The following NTRK2 variants were observed in gnomAD, a reference collection of about 807,000 sequenced individuals.
NTRK2 encodes neurotrophic receptor tyrosine kinase 2.
In NTRK2, 13 loss-of-function variants were observed where a neutral mutation model predicts 94.5. The observed-to-expected ratio is 0.14, with a 90% confidence interval of 0.09 to 0.22. NTRK2 has a LOEUF of 0.22. NTRK2 is among the 10% of genes least tolerant of loss of function. The pLI, the probability that NTRK2 is intolerant of heterozygous loss-of-function variation, is 1.00. For synonymous variants in NTRK2, 372 were observed against 407.4 expected, an observed-to-expected ratio of 0.91 and a Z score of 1.05; for missense variants, 639 against 1,071.2, an observed-to-expected ratio of 0.60 and a Z score of 5.63.
Position 84,887,826 on chromosome 9 carries a change from C to T in NTRK2, c.1633+20395C>T, listed in dbSNP as rs2076464393. Among the ~76,000 whole-genome samples, 3 of 152,164 alleles carry T rather than the reference C, an allele frequency of 2.0e-5. No individual in the cohort carries two copies. In the South Asian group the frequency reaches 6.2e-4, roughly 31 times the overall value. On this transcript the variant is annotated intron_variant, in intron 14 of 18. Transcript: ENST00000277120. ...AAAAATCTCTTAAACTGGGAAACTA[C>T]AAAAGGGCTGGATCCACATTTTTTT...
chr9:84,967,575 GC>G (rs1825701052), intron 17 of NTRK2, among the ~76,000 whole-genome samples: 1 of 152,266 alleles, frequency 6.6e-6, no homozygotes, highest in Admixed American at 6.5e-5. Flanking sequence ...CTCCCTCACA[GC>G]CTTACGACAG....
intron 14 of NTRK2, among the ~76,000 whole-genome samples, chr9:84,870,239 TAA>T (rs1332033520): frequency 1.4e-5 from 2 of 139,436 alleles, no homozygotes; most frequent in African/African-American, 5.3e-5. Flanking sequence ...TGTACATATA[TAA>T]GTATATGTAC....
intron 17 of NTRK2, among the ~76,000 whole-genome samples, chr9:85,011,844 C>T (rs969387796): frequency 1.3e-5 from 2 of 152,078 alleles, no homozygotes; most frequent in African/African-American, 2.4e-5. Context: ...CTCTCTACCT[C>T]CTAGCTGTGT....
At chr9:84,956,719 T>C (rs538033899) in intron 17 of NTRK2, among the ~76,000 whole-genome samples, 60 of 152,352 alleles carry the variant, frequency 3.9e-4, no homozygotes, top group African/African-American at 1.4e-3. Flanking sequence ...GTTTATTTCC[T>C]GTTCCCCTTC....
intron 17 of NTRK2, among the ~76,000 whole-genome samples, chr9:85,004,047 G>GAAAGAAA (rs1564542231): frequency 2.5e-5 from 1 of 39,784 alleles, no homozygotes; most frequent in African/African-American, 1.2e-4. Context: ...GAAAGAAAGG[G>GAAAGAAA]AGAAAGAGAA....
In NTRK2 at chr9:84,959,798, T is replaced by G. The variant is rs116565173; in HGVS notation, c.2172+4281T>G. ...CATCTGAACCAGATTTCAGTCACATTCTGCCTGTTGGAGACCTAGGGTCTC... is the reference window on the plus strand; with the variant it reads ...CATCTGAACCAGATTTCAGTCACATGCTGCCTGTTGGAGACCTAGGGTCTC... On this transcript the variant is annotated intron_variant, in intron 17 of 18. Transcript: ENST00000277120. Among the ~76,000 whole-genome samples, 1,488 of 152,342 alleles carry G rather than the reference T, an allele frequency of 9.8e-3. 13 individuals are homozygous for G. Among genetic ancestry groups the G allele is most frequent in the South Asian group, 0.028 (136 of 4,828 alleles).
chr9:84,878,935 T>G (rs1468310258), intron 14 of NTRK2, among the ~76,000 whole-genome samples: 2 of 152,214 alleles, frequency 1.3e-5, no homozygotes, highest in East Asian at 3.9e-4. Context: ...CTAATTGTCC[T>G]TCCTCACTGC....
At chr9:84,862,168 T>C (rs1468838208) in intron 13 of NTRK2, among the ~76,000 whole-genome samples, 1 of 152,190 alleles carries the variant, frequency 6.6e-6, no homozygotes, top group Non-Finnish European at 1.5e-5. Flanking sequence ...AGTGGAGACT[T>C]GGCAAAGTTA....
chr9:84,757,904 A>T (rs73651117), intron 12 of NTRK2, among the ~76,000 whole-genome samples: 3,117 of 152,234 alleles, frequency 0.02, 110 homozygotes, highest in African/African-American at 0.071. Flanking sequence ...TTAAATGTGA[A>T]TAGATTACCT....
intron 2 of NTRK2, among the ~76,000 whole-genome samples, chr9:84,675,557 C>T (rs990433528): frequency 2.6e-5 from 4 of 151,798 alleles, no homozygotes; most frequent in African/African-American, 9.7e-5. Flanking sequence ...TGGAACAATG[C>T]CAATTTTTAG....
rs547751077 is a variant in NTRK2, at chr9:84,920,681, C to T, written c.1634-13481C>T. On this transcript the variant is annotated intron_variant, in intron 14 of 18. Transcript: ENST00000277120. ...TGCCCCCATCTCCCTTCCAGAAATCCGTTGAAAAATCTCATCCATTAGGAC... is the reference window on the plus strand; with the variant it reads ...TGCCCCCATCTCCCTTCCAGAAATCTGTTGAAAAATCTCATCCATTAGGAC... 1.6e-4 allele frequency among the ~76,000 whole-genome samples: 25 copies of T among 152,264 alleles called. No individual in the cohort carries two copies. The South Asian group carries it at 3.1e-3, about 19-fold the overall frequency.
intron 2 of NTRK2, among the ~76,000 whole-genome samples, chr9:84,682,469 T>C (rs549418712): frequency 2.6e-5 from 4 of 152,292 alleles, no homozygotes; most frequent in African/African-American, 9.6e-5. Context: ...TGGCAGCCTC[T>C]GAGGGGCTGT....
At chr9:84,949,445 G>GATTTATTTATTT (rs71959281) in intron 16 of NTRK2, among the ~76,000 whole-genome samples, 30 of 147,900 alleles carry the variant, frequency 2.0e-4, no homozygotes, top group South Asian at 1.1e-3. Context: ...GATTGGTTGG[G>GATTTATTTATTT]ATTTATTTAT....
chr9:84,848,524 C>T (rs201202013), intron 12 of NTRK2, among the ~76,000 whole-genome samples: 1 of 152,050 alleles, frequency 6.6e-6, no homozygotes, highest in East Asian at 1.9e-4. Flanking sequence ...CATTTAGTTA[C>T]GATTCTAGAA....
chr9:84,909,905 A>G (rs2077188514), intron 14 of NTRK2, among the ~76,000 whole-genome samples: 1 of 152,132 alleles, frequency 6.6e-6, no homozygotes, highest in South Asian at 2.1e-4. Flanking sequence ...TAACAGGATA[A>G]AAATGTAAAG....
intron 9 of NTRK2, among the ~76,000 whole-genome samples, chr9:84,736,455 T>C (rs1202383322): frequency 6.6e-6 from 1 of 152,194 alleles, no homozygotes; most frequent in Non-Finnish European, 1.5e-5. Context: ...TTAGATTTGG[T>C]GTACTTAGTC....
chr9:84,887,114 G>A (rs779874687), intron 14 of NTRK2, among the ~76,000 whole-genome samples: 3 of 152,150 alleles, frequency 2.0e-5, no homozygotes, highest in African/African-American at 4.8e-5. Context: ...TTGCTTGGGC[G>A]GAAAGTATGT....
At chr9:84,805,396 C>G (rs149129085) in intron 12 of NTRK2, among the ~76,000 whole-genome samples, 1 of 152,140 alleles carries the variant, frequency 6.6e-6, no homozygotes, top group Admixed American at 6.6e-5. Flanking sequence ...TTAGAATAAA[C>G]CAAGTCTAGC....
intron 4 of NTRK2, among the ~76,000 whole-genome samples, chr9:84,704,741 G>T (rs370089884): frequency 2.5e-4 from 38 of 152,272 alleles, no homozygotes; most frequent in African/African-American, 8.4e-4. Context: ...AGAGAAATAG[G>T]CAAGTGCCAG....
Sources: gnomAD v4.1 joint callset for allele counts (sites outside exome capture counted in the v4.1 genomes callset) on GRCh38, gnomAD v4.1.1 for gene constraint, MANE v1.5 for transcripts, NCBI Gene and HGNC (gene_info 2026-07-23, HGNC 2026-07-21) for gene names.